The following TEX261 variants were observed in gnomAD, a reference collection of about 807,000 sequenced individuals.
The protein encoded by TEX261 is testis expressed 261, also known as protein TEX261.
TEX261 carries 13 observed loss-of-function variants against 25.1 expected under a neutral mutation model. That is an observed-to-expected ratio of 0.52 (90% CI 0.34 to 0.82). The LOEUF (loss-of-function observed/expected upper bound fraction) is 0.82, where lower values mean the gene tolerates loss of function less well. Among genes scored for constraint, TEX261 ranks in the 40% least tolerant of loss-of-function variants. TEX261 has a pLI of 0.02. For missense variants in TEX261, 206 were observed against 243.2 expected (o/e 0.85, Z 1.02); for synonymous variants, 92 against 97.8 (o/e 0.94, Z 0.35).
At chr2:70,989,472 C>T in intron 4 of TEX261, 1 of 451,832 alleles carries the variant, frequency 2.2e-6, no homozygotes, top group Non-Finnish European at 4.0e-6. Context: ...CAGAGAAGGT[C>T]ACCCTAGTAC....
intron 3 of TEX261, 148 bp downstream of exon 3, chr2:70,991,682 G>T: frequency 2.2e-6 from 2 of 919,116 alleles, no homozygotes; most frequent in Non-Finnish European, 1.6e-6. Flanking sequence ...AGAGTCCTCA[G>T]CAGTAAGAAC....
At position 70,988,973 on chromosome 2, in the gene TEX261, C is replaced by A; in HGVS notation, c.417G>T (p.Ala139=). 2 of 1,614,090 alleles carry A rather than the reference C, an allele frequency of 1.2e-6. No individual in the cohort carries two copies. Among genetic ancestry groups the A allele is most frequent in the Non-Finnish European group, 1.7e-6 (2 of 1,180,000 alleles). ...FTFCLWIIPF[A]FFVSLSAGEN... ...CCCCGGCCGAAAGTGACACAAAAAA[C>A]GCAAACGGAATTATCCACAGGCAGA... is the stretch of plus-strand genomic sequence containing the variant. Residue 139 remains alanine, a synonymous_variant, in exon 5 of 6, where the codon GCG becomes GCT. Coordinates refer to ENST00000272438, the MANE Select transcript of TEX261 (RefSeq NM_144582.3).
chr2:70,989,067 G>T, intron 4 of TEX261, 50 bp from the exon 5 acceptor site: 1 of 1,524,798 alleles, frequency 6.6e-7, no homozygotes, highest in Non-Finnish European at 9.0e-7. Context: ...TGCCAAGAGT[G>T]GGCTGGGTGT....
At chr2:70,989,179 CCTT>C in intron 4 of TEX261, 162 bp from the exon 5 acceptor site, 1 of 650,702 alleles carries the variant, frequency 1.5e-6, no homozygotes, top group South Asian at 1.8e-5. Context: ...ACATGGAAAT[CCTT>C]CTGTGGGGAA....
chr2:70,988,975 CA>C lies in TEX261; in HGVS notation c.414del (p.Phe138LeufsTer38). 1.2e-6 allele frequency: 2 copies of C among 1,614,102 alleles called. No individual in the cohort carries two copies. Among genetic ancestry groups the C allele is most frequent in the South Asian group, 1.1e-5 (1 of 91,058 alleles). On this transcript the variant is annotated frameshift_variant, in exon 5 of 6. Coordinates refer to ENST00000272438, the MANE Select transcript of TEX261 (RefSeq NM_144582.3). LOFTEE classifies it high-confidence loss of function. The stretch of plus-strand genomic sequence containing the variant: ...CCGGCCGAAAGTGACACAAAAAACG[CA>C]AACGGAATTATCCACAGGCAGAAAG... ...YFTFCLWIIP[F>X]AFFVSLSAGE... is the part of the protein sequence containing the mutation.
At chr2:70,994,604 G>A (rs1553426008) in intron 1 of TEX261, 84 bp downstream of exon 1, 1 of 1,535,894 alleles carries the variant, frequency 6.5e-7, no homozygotes, top group East Asian at 2.5e-5. Context: ...CCCCCGAGTG[G>A]CTCCGAAACC....
chr2:70,991,536 T>C (rs1405896887), intron 3 of TEX261, among the ~76,000 whole-genome samples: 2 of 152,156 alleles, frequency 1.3e-5, no homozygotes, highest in South Asian at 2.1e-4. Flanking sequence ...AACTGCTCAG[T>C]TGGGGGCCCT....
At position 70,994,832 on chromosome 2, in the gene TEX261, A is replaced by ACCG. The variant is rs532077917; in HGVS notation, c.-78_-76dup. On this transcript the variant is annotated 5_prime_UTR_variant, in exon 1 of 6. Transcript: ENST00000272438. ...TCGGCTCCGGCGACACACAGCCGCCACCGCCGCCGCCGCCGCCGCGTCCCC... is the reference window on the plus strand; with the variant it reads ...TCGGCTCCGGCGACACACAGCCGCCACCGCCGCCGCCGCCGCCGCCGCGTCCCC... The ACCG allele has an allele frequency of 7.3e-3, 9,263 of 1,270,060 alleles. 233 individuals carry two copies. The African/African-American group carries it at 0.088, about 12-fold the overall frequency. 78.7% of individuals were successfully genotyped at this position (1,270,060 alleles called of 1,614,324 possible).
Position 70,988,520 on chromosome 2 carries a change from A to G in TEX261, c.*80T>C. The G allele has an allele frequency of 8.6e-7, 1 of 1,159,604 alleles. No homozygotes were observed. The highest frequency in any genetic ancestry group is 1.8e-5 in the Admixed American group (1 of 56,758). 71.8% of individuals were successfully genotyped at this position (1,159,604 alleles called of 1,614,324 possible). ...AGGGCAGGTGGTAGGTGCCTTCCCGACTTCTGGTCCCCACCTGGCATAGAG... is the reference window on the plus strand; with the variant it reads ...AGGGCAGGTGGTAGGTGCCTTCCCGGCTTCTGGTCCCCACCTGGCATAGAG... On this transcript the variant is annotated 3_prime_UTR_variant, in exon 6 of 6. Transcript: ENST00000272438.
chr2:70,988,753 A>AGTGTGT (rs536484771), intron 5 of TEX261, 38 bp from the exon 6 acceptor site: 4 of 1,351,586 alleles, frequency 3.0e-6, no homozygotes, highest in African/African-American at 1.4e-5. Context: ...AGAGAGAGAG[A>AGTGTGT]GTGTGTGTGT....
chr2:70,989,822 G>A lies in TEX261; in HGVS notation c.305-6C>T. 1 of 1,608,218 alleles carries A rather than the reference G, an allele frequency of 6.2e-7. No homozygotes were observed. Among genetic ancestry groups the A allele is most frequent in the African/African-American group, 1.3e-5 (1 of 74,914 alleles). ...ATGATTCACCACCACTAGTCCTGTT[G>A]AGGGAATGAAGAGTCAGTCAGTTTA... is the stretch of plus-strand genomic sequence containing the variant. On this transcript the variant is annotated splice_region_variant and splice_polypyrimidine_tract_variant and intron_variant, in intron 3 of 5. Coordinates refer to ENST00000272438, the MANE Select transcript of TEX261 (RefSeq NM_144582.3).
At chr2:70,994,571 G>C (rs1035651391) in intron 1 of TEX261, 117 bp downstream of exon 1, 85 of 1,443,894 alleles carry the variant, frequency 5.9e-5, no homozygotes, top group Non-Finnish European at 7.3e-5. Context: ...GGGCGGCGAA[G>C]GCCGGGAGCG....
In TEX261 at chr2:70,988,197, C is replaced by A. The variant is rs1670225891; in HGVS notation, c.*403G>T. 5.3e-6 allele frequency: 1 copy of A among 189,816 alleles called. No individual in the cohort carries two copies. The highest frequency in any genetic ancestry group is 1.1e-5 in the Non-Finnish European group (1 of 90,818). The allele number at this position is 189,816 out of a possible 1,614,324, so 11.8% of individuals were successfully genotyped here. ...CACCGTTCAACAGCAAAAACTATTT[C>A]TGTTGGACATGCCAAGCCATGGCCC... is the stretch of plus-strand genomic sequence containing the variant. On this transcript the variant is annotated 3_prime_UTR_variant, in exon 6 of 6. Coordinates refer to ENST00000272438, the MANE Select transcript of TEX261 (RefSeq NM_144582.3).
In TEX261 at chr2:70,987,303, A is replaced by G. The variant is rs1222133060; in HGVS notation, c.*1297T>C. On this transcript the variant is annotated 3_prime_UTR_variant, in exon 6 of 6. Coordinates refer to ENST00000272438, the MANE Select transcript of TEX261 (RefSeq NM_144582.3). ...AGCTGGTATTCTTAAGAGAAGGTAA[A>G]TGCTAAAGCCAAGGAAATGAAGGGC... is the stretch of plus-strand genomic sequence containing the variant. 2 of 152,242 alleles carry G rather than the reference A, an allele frequency of 1.3e-5. No homozygotes were observed. Among genetic ancestry groups the G allele is most frequent in the African/African-American group, 4.8e-5 (2 of 41,450 alleles). 9.4% of individuals were successfully genotyped at this position (152,242 alleles called of 1,614,324 possible).
chr2:70,990,415 A>G (rs1670281062), intron 3 of TEX261, among the ~76,000 whole-genome samples: 2 of 151,796 alleles, frequency 1.3e-5, no homozygotes, highest in African/African-American at 4.9e-5. Context: ...ACCGGTGTGA[A>G]CTGATACGTT....
At chr2:70,992,020 T>G (rs1553425687) in intron 2 of TEX261, 37 bp from the exon 3 acceptor site, 20 of 1,536,556 alleles carry the variant, frequency 1.3e-5, no homozygotes, top group Non-Finnish European at 1.8e-5. Context: ...AGGGCGCTTC[T>G]TCCAGGCAAC....
rs138579889 is a variant in TEX261 at position 70,989,648 on chromosome 2, A to T, written c.372+101T>A. 1.0e-3 allele frequency: 878 copies of T among 847,514 alleles called. 7 individuals are homozygous for T. In the African/African-American group the frequency reaches 0.011, roughly 10 times the overall value. The allele number at this position is 847,514 out of a possible 1,614,324, so 52.5% of individuals were successfully genotyped here. On this transcript the variant is annotated intron_variant, in intron 4 of 5. Transcript: ENST00000272438. ...TTTCAAACATGTAATCCTTGAACAG[A>T]TTCAGTTTCAAATCATAGCTAAGTT...
chr2:70,988,784 A>C, intron 5 of TEX261, 69 bp from the exon 6 acceptor site: 4 of 1,535,438 alleles, frequency 2.6e-6, no homozygotes, highest in Non-Finnish European at 3.6e-6. Flanking sequence ...ATGTGTGTGA[A>C]CACGGCCCTC....
chr2:70,989,505 C>A (rs1408136078), intron 4 of TEX261: 1 of 509,656 alleles, frequency 2.0e-6, no homozygotes, highest in Admixed American at 3.3e-5. Context: ...TCAGGATGAC[C>A]CCTCGAGGGG....
Sources: gnomAD v4.1 joint callset for allele counts (sites outside exome capture counted in the v4.1 genomes callset) on GRCh38, gnomAD v4.1.1 for gene constraint, MANE v1.5 for transcripts, NCBI Gene and HGNC (gene_info 2026-07-23, HGNC 2026-07-21) for gene names.